Variants in TMEM213 observed in about 807,000 individuals in gnomAD.
The protein encoded by TMEM213 is transmembrane protein 213.
TMEM213 carries 7 observed loss-of-function variants against 11.6 expected under a neutral mutation model. That is an observed-to-expected ratio of 0.60 (90% CI 0.34 to 1.13). The LOEUF is 1.13. Among genes scored for constraint, TMEM213 ranks in the 50% most tolerant of loss-of-function variants. TMEM213 has a pLI of 0.03. For missense variants in TMEM213, 129 were observed against 139.0 expected (o/e 0.93, Z 0.36); for synonymous variants, 60 against 58.3 (o/e 1.03, Z -0.13).
chr7:138,798,277 AT>A, intron 1 of TMEM213, 91 bp downstream of exon 1: 20 of 1,069,200 alleles, frequency 1.9e-5, no homozygotes, highest in Non-Finnish European at 1.6e-5. Context: ...GAGGGGGAAG[AT>A]TCTTTGGCCA....
chr7:138,801,439 C>T, intron 2 of TMEM213, 41 bp downstream of exon 2: 1 of 1,566,262 alleles, frequency 6.4e-7, no homozygotes, highest in Non-Finnish European at 8.7e-7. Context: ...CAGAACTGGC[C>T]CTCAGCCTGG....
chr7:138,802,874 C>T (rs370625355), intron 2 of TMEM213, 26 bp from the exon 3 acceptor site: 105 of 1,528,466 alleles, frequency 6.9e-5, no homozygotes, highest in East Asian at 1.1e-4. Context: ...TGCATGCCGT[C>T]GTCCTTGCTG....
chr7:138,801,583 T>C, intron 2 of TMEM213, 185 bp downstream of exon 2: 1 of 607,020 alleles, frequency 1.6e-6, no homozygotes, highest in East Asian at 2.8e-5. Context: ...TTCTTGGCTC[T>C]GATCCCCATC....
In TMEM213 at chr7:138,801,380, A is replaced by G. The variant is rs779293506; in HGVS notation, c.136A>G (p.Thr46Ala). 3.1e-6 allele frequency: 5 copies of G among 1,610,492 alleles called. No homozygotes were observed. The South Asian group carries it at 4.4e-5, about 14-fold the overall frequency. ...SLTAHHPDPG[T>A]LEQCLNVDFC... is the part of the protein sequence containing the mutation. The stretch of plus-strand genomic sequence containing the variant: ...GACCGCTCACCACCCAGACCCTGGG[A>G]CCCTGGAGCAGTGCCTCAGTAAGCT... Residue 46 changes from threonine (T) to alanine (A), a missense_variant, in exon 2 of 3, where the codon ACC becomes GCC. Transcript: ENST00000442682.
chr7:138,806,526 TAAAGA>T lies in TMEM213; in HGVS notation c.*3466_*3470del, dbSNP rs1809104559. The T allele has an allele frequency of 6.6e-6, 1 of 150,956 alleles. No individual in the cohort carries two copies. The highest frequency in any genetic ancestry group is 1.5e-5 in the Non-Finnish European group (1 of 67,652). The allele number at this position is 150,956 out of a possible 1,614,324, so 9.4% of individuals were successfully genotyped here. A position where few individuals can be genotyped will look rare whatever the true frequency, so the allele number is the denominator to read the frequency against. ...AGACCTTGCCTCAAAAAGAAAAAAATAAAGAAAAGAAAATCTGAAAGGGAAAGCAG... is the reference window on the plus strand; with the variant it reads ...AGACCTTGCCTCAAAAAGAAAAAAATAAAGAAAATCTGAAAGGGAAAGCAG... On this transcript the variant is annotated 3_prime_UTR_variant, in exon 3 of 3. Transcript: ENST00000442682.
Position 138,798,143 on chromosome 7 carries a change from C to T in TMEM213, c.39C>T (p.Ile13=). The T allele has an allele frequency of 6.2e-7, 1 of 1,602,248 alleles. No individual in the cohort carries two copies. Among genetic ancestry groups the T allele is most frequent in the Middle Eastern group, 1.7e-4 (1 of 6,058 alleles). Residue 13 remains isoleucine (I), a synonymous_variant, in exon 1 of 3, where the codon ATC becomes ATT. Coordinates refer to ENST00000442682, the MANE Select transcript of TMEM213 (RefSeq NM_001085429.2). The part of the protein sequence containing the change: ...RLPAATRATL[I]LSLAFASLHS... Reference sequence around the variant, plus strand: ...CCGCTGCCACCCGGGCCACCCTGATCCTCAGCCTGGCCTTTGCCTCCCTCC... The same window carrying T: ...CCGCTGCCACCCGGGCCACCCTGATTCTCAGCCTGGCCTTTGCCTCCCTCC...
rs767750902 is a variant in TMEM213 at position 138,798,081 on chromosome 7, C to T, written c.-24C>T. ...CTCCGCAGGACCGGCTCACCTGCACCGGGCACTCAGCACAGCCTCCAGCAT... is the reference window on the plus strand; with the variant it reads ...CTCCGCAGGACCGGCTCACCTGCACTGGGCACTCAGCACAGCCTCCAGCAT... On this transcript the variant is annotated 5_prime_UTR_variant, in exon 1 of 3. Coordinates refer to ENST00000442682, the MANE Select transcript of TMEM213 (RefSeq NM_001085429.2). The T allele has an allele frequency of 1.4e-5, 22 of 1,583,940 alleles. No individual in the cohort carries two copies. The highest frequency in any genetic ancestry group is 1.7e-5 in the Non-Finnish European group (20 of 1,165,776).
At chr7:138,801,471 G>A (rs949266367) in intron 2 of TMEM213, 73 bp downstream of exon 2, 41 of 1,416,688 alleles carry the variant, frequency 2.9e-5, no homozygotes, top group Non-Finnish European at 3.8e-5. Context: ...AGGCCTCCCC[G>A]CTTTCCGTTG....
chr7:138,805,138 G>A lies in TMEM213; in HGVS notation c.*2069G>A, dbSNP rs2034507. On this transcript the variant is annotated 3_prime_UTR_variant, in exon 3 of 3. Transcript: ENST00000442682. ...TCTGAATCTCAGATGTTGAATCAGT[G>A]CAACGGGATGGATTTCTTGTTCCTA... 0.63 allele frequency: 95,430 copies of A among 151,340 alleles called. 30,354 individuals are homozygous for A. Among genetic ancestry groups the A allele is most frequent in the East Asian group, 0.71 (3,670 of 5,136 alleles). 9.4% of individuals were successfully genotyped at this position (151,340 alleles called of 1,614,324 possible).
At chr7:138,799,541 C>A (rs1245048071) in intron 1 of TMEM213, 1 of 152,196 alleles carries the variant, frequency 6.6e-6, no homozygotes, top group East Asian at 1.9e-4. Flanking sequence ...TGATATTGAA[C>A]AATTTTCACC....
At chr7:138,802,743 G>A (rs964479035) in intron 2 of TMEM213, among the ~76,000 whole-genome samples, 157 bp from the exon 3 acceptor site, 8 of 152,200 alleles carry the variant, frequency 5.3e-5, no homozygotes, top group African/African-American at 1.4e-4. Flanking sequence ...GAAGGCATAA[G>A]CTAACGTGTA....
chr7:138,804,821 C>G lies in TMEM213; in HGVS notation c.*1752C>G, dbSNP rs577655055. 1 of 152,050 alleles carries G rather than the reference C, an allele frequency of 6.6e-6. No individual in the cohort carries two copies. Among genetic ancestry groups the G allele is most frequent in the Non-Finnish European group, 1.5e-5 (1 of 68,024 alleles). 9.4% of individuals were successfully genotyped at this position (152,050 alleles called of 1,614,324 possible). A position where few individuals can be genotyped will look rare whatever the true frequency, so the allele number is the denominator to read the frequency against. On this transcript the variant is annotated 3_prime_UTR_variant, in exon 3 of 3. Coordinates refer to ENST00000442682, the MANE Select transcript of TMEM213 (RefSeq NM_001085429.2). Reference sequence around the variant, plus strand: ...GTGGACGTTGCACATCACTGTGAAACCTTGCAGAGGAGGAGAGGGCAGGTT... The same window carrying G: ...GTGGACGTTGCACATCACTGTGAAAGCTTGCAGAGGAGGAGAGGGCAGGTT...
At position 138,798,385 on chromosome 7, in the gene TMEM213, G is replaced by T. The variant is rs185115976; in HGVS notation, c.82+199G>T. 250 of 571,532 alleles carry T rather than the reference G, an allele frequency of 4.4e-4. 2 individuals carry two copies. In the African/African-American group the frequency reaches 4.6e-3, roughly 11 times the overall value. The allele number at this position is 571,532 out of a possible 1,614,324, so 35.4% of individuals were successfully genotyped here. ...TGGGGCTGGGGCAGGGGGGGTCTTA[G>T]GTTGGCCTGAGACGGAGATCAGATA... On this transcript the variant is annotated intron_variant, in intron 1 of 2. Transcript: ENST00000442682.
In TMEM213 at chr7:138,802,870, C is replaced by T. The variant is rs1038346364; in HGVS notation, c.155-30C>T. On this transcript the variant is annotated intron_variant, in intron 2 of 2. Transcript: ENST00000442682. ...GCCTGGGCAGGGCTGGTGGTGCATG[C>T]CGTCGTCCTTGCTGTCCCTTCCCCA... is the stretch of plus-strand genomic sequence containing the variant. 3.3e-6 allele frequency: 5 copies of T among 1,525,730 alleles called. No homozygotes were observed. The African/African-American group carries it at 5.5e-5, about 17-fold the overall frequency. The allele number at this position is 1,525,730 out of a possible 1,614,324, so 94.5% of individuals were successfully genotyped here.
Position 138,803,123 on chromosome 7 carries a change from G to A in TMEM213, c.*54G>A. ...TCGCCACCAATTTGTGGCTAATGGGGAAGGGGAGTAAGGCTAACATGGTTT... is the reference window on the plus strand; with the variant it reads ...TCGCCACCAATTTGTGGCTAATGGGAAAGGGGAGTAAGGCTAACATGGTTT... On this transcript the variant is annotated 3_prime_UTR_variant, in exon 3 of 3. Transcript: ENST00000442682. 3 of 1,575,476 alleles carry A rather than the reference G, an allele frequency of 1.9e-6. No individual in the cohort carries two copies. Among genetic ancestry groups the A allele is most frequent in the Admixed American group, 3.6e-5 (2 of 56,284 alleles).
intron 1 of TMEM213, chr7:138,799,334 T>A (rs1394718248): frequency 6.6e-6 from 1 of 152,222 alleles, no homozygotes; most frequent in African/African-American, 2.4e-5. Context: ...GCCTTGCTTA[T>A]GATGGGAGCT....
At chr7:138,800,701 CTTCTTTTT>C (rs1311711182) in intron 1 of TMEM213, among the ~76,000 whole-genome samples, 1 of 124,316 alleles carries the variant, frequency 8.0e-6, no homozygotes, top group Non-Finnish European at 1.7e-5. Flanking sequence ...TCTTCTTCTT[CTTCTTTTT>C]TTTTTTTTTT....
chr7:138,803,059 T>A lies in TMEM213; in HGVS notation c.314T>A (p.Leu105Ter). ...MKLTPDEPKDLQA is the reference protein window; with the variant it reads ...MKLTPDEPKD The stretch of plus-strand genomic sequence containing the variant: ...CTGACTCCAGATGAGCCCAAGGACT[T>A]GCAAGCGTGAGACCCAGGCTCGGTG... Residue 105 changes from leucine (L) to a stop codon, truncating the protein, a stop_gained, in exon 3 of 3, where the codon TTG (leucine) becomes TAG (stop). Coordinates refer to ENST00000442682, the MANE Select transcript of TMEM213 (RefSeq NM_001085429.2). LOFTEE classifies it high-confidence loss of function. The A allele has an allele frequency of 6.2e-7, 1 of 1,613,284 alleles. No individual in the cohort carries two copies. Among genetic ancestry groups the A allele is most frequent in the African/African-American group, 1.3e-5 (1 of 75,058 alleles).
chr7:138,798,566 T>A (rs1169791994), intron 1 of TMEM213, among the ~76,000 whole-genome samples: 1 of 152,176 alleles, frequency 6.6e-6, no homozygotes, highest in Non-Finnish European at 1.5e-5. Flanking sequence ...CCCACTGGGC[T>A]GTCGTGCTTT....
Sources: gnomAD v4.1 joint callset for allele counts (sites outside exome capture counted in the v4.1 genomes callset) on GRCh38, gnomAD v4.1.1 for gene constraint, MANE v1.5 for transcripts, NCBI Gene and HGNC (gene_info 2026-07-23, HGNC 2026-07-21) for gene names.